UTRN: variants seen among roughly 807,000 people sequenced by gnomAD.
UTRN encodes the protein utrophin.
In UTRN, 283 loss-of-function variants were observed where a neutral mutation model predicts 463.9. The ratio of observed to expected loss-of-function variants is 0.61; its 90% confidence interval spans 0.55 to 0.67. The LOEUF (loss-of-function observed/expected upper bound fraction) is 0.67. UTRN is among the 30% of genes least tolerant of loss of function. The pLI is 0.00. For synonymous variants in UTRN, 1,442 were observed against 1,431.5 expected (o/e 1.01, Z -0.17); for missense variants, 3,922 against 4,084.3 (o/e 0.96, Z 1.08).
At chr6:144,640,832 A>C (rs1777689186) in intron 51 of UTRN, among the ~76,000 whole-genome samples, 1 of 152,200 alleles carries the variant, frequency 6.6e-6, no homozygotes, top group East Asian at 1.9e-4. Context: ...TTTGTAGTTG[A>C]AATAGTTTTT....
At chr6:144,833,141 A>G (rs1418936176) in intron 69 of UTRN, among the ~76,000 whole-genome samples, 1 of 152,120 alleles carries the variant, frequency 6.6e-6, no homozygotes, top group Admixed American at 6.6e-5. Flanking sequence ...TTTTTAACTA[A>G]TATTAGAATA....
At chr6:144,459,090 C>CT (rs1410328917) in intron 20 of UTRN, 79 bp downstream of exon 20, 3 of 1,564,070 alleles carry the variant, frequency 1.9e-6, no homozygotes, top group Non-Finnish European at 2.6e-6. Context: ...GTATCATGAA[C>CT]TTTAAGTTAA....
chr6:144,453,750 G>A lies in UTRN; in HGVS notation c.2197-32G>A, dbSNP rs377670913. The A allele has an allele frequency of 1.6e-5, 26 of 1,578,836 alleles. No individual in the cohort carries two copies. In the African/African-American group the frequency reaches 3.0e-4, roughly 18 times the overall value. On this transcript the variant is annotated intron_variant, in intron 18 of 74. Coordinates refer to ENST00000367545, the MANE Select transcript of UTRN (RefSeq NM_007124.3). ...CAACATTATATTGAGAAGAAAGTTT[G>A]CAATATTCTTATGTTGGGACTTCAT...
chr6:144,851,120 A>T lies in UTRN; in HGVS notation c.*123A>T. The T allele has an allele frequency of 7.9e-7, 1 of 1,266,054 alleles. No individual in the cohort carries two copies. The highest frequency in any genetic ancestry group is 1.2e-6 in the Non-Finnish European group (1 of 864,596). The allele number at this position is 1,266,054 out of a possible 1,614,324, so 78.4% of individuals were successfully genotyped here. On this transcript the variant is annotated 3_prime_UTR_variant, in exon 75 of 75. Transcript: ENST00000367545. ...CCTTGGCCCACGATGTTGAGTGCTG[A>T]CTGTGTGTTCTACTGAAAGAGTAAA...
At chr6:144,350,498 A>G (rs192750885) in intron 2 of UTRN, among the ~76,000 whole-genome samples, 5 of 152,322 alleles carry the variant, frequency 3.3e-5, no homozygotes, top group Admixed American at 6.5e-5. Context: ...GTGTACATGT[A>G]TCTTCGCTTA....
chr6:144,431,804 C>G (rs1171440842), intron 9 of UTRN, among the ~76,000 whole-genome samples: 1 of 152,116 alleles, frequency 6.6e-6, no homozygotes, highest in African/African-American at 2.4e-5. Flanking sequence ...CATAACTTAA[C>G]TCATTTTTCT....
At chr6:144,766,349 T>C (rs1586462182) in intron 58 of UTRN, among the ~76,000 whole-genome samples, 1 of 152,218 alleles carries the variant, frequency 6.6e-6, no homozygotes, top group African/African-American at 2.4e-5. Flanking sequence ...CTTCATACTT[T>C]AGGCAGTTGA....
Position 144,392,879 on chromosome 6 carries a change from A to G in UTRN, c.80-10244A>G, listed in dbSNP as rs139770680. ...CTCTCCTCAAATTTTACTGTGCTGC[A>G]TTGCTGTGAGGCATCAAACAAGAGG... On this transcript the variant is annotated intron_variant, in intron 2 of 74. Transcript: ENST00000367545. 5.6e-3 allele frequency among the ~76,000 whole-genome samples: 856 copies of G among 152,348 alleles called. 2 individuals are homozygous for G. Among genetic ancestry groups the G allele is most frequent in the Non-Finnish European group, 9.9e-3 (674 of 68,030 alleles).
chr6:144,318,408 C>T (rs917375458), intron 2 of UTRN, among the ~76,000 whole-genome samples: 1 of 152,144 alleles, frequency 6.6e-6, no homozygotes, highest in African/African-American at 2.4e-5. Context: ...GATTCTTGTG[C>T]CTCAGCCTCC....
intron 61 of UTRN, among the ~76,000 whole-genome samples, chr6:144,785,930 G>A (rs550419495): frequency 6.6e-6 from 1 of 152,272 alleles, no homozygotes; most frequent in East Asian, 1.9e-4. Context: ...ATGATATAAA[G>A]CAATAGTCTG....
At chr6:144,768,050 A>C (rs1467899744) in intron 58 of UTRN, among the ~76,000 whole-genome samples, 1 of 152,202 alleles carries the variant, frequency 6.6e-6, no homozygotes, top group African/African-American at 2.4e-5. Flanking sequence ...GGGTTTAAGA[A>C]GTATCTTCCA....
Position 144,435,969 on chromosome 6 carries a change from G to C in UTRN, c.890G>C (p.Arg297Pro), listed in dbSNP as rs775234532. The change falls in exon 10 of 75, where the codon CGA becomes CCA. Residue 297 changes from arginine (R) to proline (P), a missense_variant. Physicochemically the swap from Arg to Pro is moderately radical, Grantham distance 103. This residue lies in a region of UTRN where 2,349 missense variants were observed against 2,303.8 expected (regional missense o/e 1.02). Coordinates refer to ENST00000367545, the MANE Select transcript of UTRN (RefSeq NM_007124.3). The part of the protein sequence containing the change: ...TAPEEEHESP[R>P]AETPSTVTEV... ...CCTGAGGAGGAGCATGAGAGTCCCC[G>C]AGCTGAAACTCCCAGCACTGTCACT... 4.3e-6 allele frequency: 7 copies of C among 1,613,976 alleles called. No homozygotes were observed. Among genetic ancestry groups the C allele is most frequent in the African/African-American group, 1.3e-5 (1 of 74,906 alleles).
chr6:144,762,213 C>CTAG (rs1792777392), intron 58 of UTRN, among the ~76,000 whole-genome samples: 1 of 152,170 alleles, frequency 6.6e-6, no homozygotes. Context: ...AATAGAAGAG[C>CTAG]TAGTGTTCAA....
At chr6:144,443,604 G>A (rs1282833479) in intron 13 of UTRN, among the ~76,000 whole-genome samples, 1 of 151,674 alleles carries the variant, frequency 6.6e-6, no homozygotes, top group East Asian at 1.9e-4. Context: ...GTAATAAAAT[G>A]ATTTTGGGAG....
Position 144,786,781 on chromosome 6 carries a change from A to G in UTRN, c.8835-2413A>G, listed in dbSNP as rs940969256. The stretch of plus-strand genomic sequence containing the variant: ...ACTAAATCACTAATGATAGGCAGCC[A>G]CAATGATCTTGTACTTGATGTTTGA... On this transcript the variant is annotated intron_variant, in intron 61 of 74. Transcript: ENST00000367545. Among the ~76,000 whole-genome samples the G allele has an allele frequency of 7.9e-5, 12 of 152,328 alleles. No homozygotes were observed. The South Asian group carries it at 2.3e-3, about 29-fold the overall frequency.
intron 54 of UTRN, among the ~76,000 whole-genome samples, chr6:144,742,564 A>G (rs9484903): frequency 6.6e-6 from 1 of 152,188 alleles, no homozygotes; most frequent in Non-Finnish European, 1.5e-5. Context: ...CTTATTGGCT[A>G]ATCAACCTGG....
chr6:144,547,372 C>T (rs189719339), intron 46 of UTRN, among the ~76,000 whole-genome samples: 116 of 152,264 alleles, frequency 7.6e-4, no homozygotes, highest in African/African-American at 2.5e-3. Flanking sequence ...AATTCTTAAC[C>T]ATTAATGGTT....
intron 50 of UTRN, 143 bp downstream of exon 50, chr6:144,557,454 G>T: frequency 2.4e-6 from 2 of 839,196 alleles, no homozygotes; most frequent in Non-Finnish European, 1.7e-6. Context: ...GATGTTCTGA[G>T]TTAGTATTAT....
intron 2 of UTRN, among the ~76,000 whole-genome samples, chr6:144,391,517 A>G (rs956188415): frequency 6.6e-6 from 1 of 152,218 alleles, no homozygotes; most frequent in Non-Finnish European, 1.5e-5. Context: ...GGGTCATAAT[A>G]AAGGCAAGTT....
Sources: allele counts gnomAD v4.1 joint callset (sites outside exome capture counted in the v4.1 genomes callset), GRCh38; gene constraint gnomAD v4.1.1; regional missense constraint gnomAD v4.1.1; transcripts MANE v1.5; gene names NCBI Gene and HGNC (gene_info 2026-07-23, HGNC 2026-07-21).